TMEM63C: variants seen among roughly 807,000 people sequenced by gnomAD.
TMEM63C encodes the protein transmembrane protein 63C.
A neutral mutation model predicts 99.2 loss-of-function variants in TMEM63C; 32 were observed. That is an observed-to-expected ratio of 0.32 (90% CI 0.24 to 0.43). The LOEUF (loss-of-function observed/expected upper bound fraction) is 0.43. Ranked by LOEUF, TMEM63C falls within the 20% of genes least tolerant of loss-of-function variation. The pLI, the probability that TMEM63C is intolerant of heterozygous loss-of-function variation, is 1.00. For synonymous variants in TMEM63C, 376 were observed against 397.9 expected (o/e 0.94, Z 0.66); for missense variants, 826 against 1,053.0 (o/e 0.78, Z 2.98).
chr14:77,204,557 A>G (rs980850380), intron 1 of TMEM63C, among the ~76,000 whole-genome samples: 1 of 152,232 alleles, frequency 6.6e-6, no homozygotes, highest in Non-Finnish European at 1.5e-5. Flanking sequence ...AACCCTATCC[A>G]GCACAGCAGA....
At chr14:77,211,253 C>T (rs1406772689) in intron 1 of TMEM63C, among the ~76,000 whole-genome samples, 1 of 152,216 alleles carries the variant, frequency 6.6e-6, no homozygotes, top group African/African-American at 2.4e-5. Context: ...AATGGTCTGG[C>T]TTCAGGGCCA....
At chr14:77,241,393 G>C (rs542326612) in intron 13 of TMEM63C, among the ~76,000 whole-genome samples, 23 of 152,250 alleles carry the variant, frequency 1.5e-4, no homozygotes, top group Middle Eastern at 3.4e-3. Context: ...CAGCCCATGC[G>C]TTGACAAGGA....
intron 5 of TMEM63C, among the ~76,000 whole-genome samples, chr14:77,220,516 G>A (rs1888671698): frequency 6.6e-6 from 1 of 152,076 alleles, no homozygotes; most frequent in Non-Finnish European, 1.5e-5. Context: ...CCTGTTTAGT[G>A]GAGCGCAGTC....
intron 1 of TMEM63C, among the ~76,000 whole-genome samples, chr14:77,189,412 C>A (rs556682212): frequency 1.3e-5 from 2 of 152,244 alleles, no homozygotes; most frequent in East Asian, 3.9e-4. Flanking sequence ...GCTACTGTGC[C>A]TGGCTGAAAA....
chr14:77,183,281 C>T lies in TMEM63C; in HGVS notation c.-77+1387C>T, dbSNP rs373467330. On this transcript the variant is annotated intron_variant, in intron 1 of 23. Coordinates refer to ENST00000298351, the MANE Select transcript of TMEM63C (RefSeq NM_020431.4). Reference sequence around the variant, plus strand: ...GAGGGGCCTCTTCCTGTCTTCTCTTCGCACCCCACAGTCCCAGCGCTGAGA... The same window carrying T: ...GAGGGGCCTCTTCCTGTCTTCTCTTTGCACCCCACAGTCCCAGCGCTGAGA... Among the ~76,000 whole-genome samples the T allele has an allele frequency of 1.8e-3, 281 of 152,320 alleles. 1 individual carries two copies. Among genetic ancestry groups the T allele is most frequent in the African/African-American group, 5.3e-3 (222 of 41,562 alleles).
At chr14:77,243,813 CGCACACAT>C (rs1163965425) in intron 15 of TMEM63C, among the ~76,000 whole-genome samples, 1 of 152,024 alleles carries the variant, frequency 6.6e-6, no homozygotes, top group Non-Finnish European at 1.5e-5. Flanking sequence ...TGCACACACA[CGCACACAT>C]GCACAGTCAA....
intron 5 of TMEM63C, 45 bp downstream of exon 5, chr14:77,220,132 G>A: frequency 6.6e-7 from 1 of 1,521,628 alleles, no homozygotes. Flanking sequence ...CCAGCACTGG[G>A]CAGGCAGGCG....
intron 6 of TMEM63C, among the ~76,000 whole-genome samples, chr14:77,227,911 A>C (rs898212040): frequency 2.0e-5 from 3 of 152,192 alleles, no homozygotes; most frequent in African/African-American, 4.8e-5. Context: ...GGAGGAGGGA[A>C]AACAGGTCAG....
intron 1 of TMEM63C, among the ~76,000 whole-genome samples, 168 bp from the exon 2 acceptor site, chr14:77,213,273 TAAAAG>T (rs969545778): frequency 2.0e-4 from 30 of 152,150 alleles, no homozygotes; most frequent in African/African-American, 7.2e-4. Flanking sequence ...TCAAGACAAT[TAAAAG>T]AAAAGCAATA....
rs1889297020 is a variant in TMEM63C, at chr14:77,248,251, C to T, written c.1602-96C>T. On this transcript the variant is annotated intron_variant, in intron 18 of 23. Transcript: ENST00000298351. ...GTATCTGTATCTCCACTCCGATTCC[C>T]ATTCCCTCTGCTGCTCTCCTCTCTC... is the stretch of plus-strand genomic sequence containing the variant. The T allele has an allele frequency of 4.5e-6, 5 of 1,101,862 alleles. No individual in the cohort carries two copies. In the Admixed American group the frequency reaches 1.2e-4, roughly 25 times the overall value. 68.3% of individuals were successfully genotyped at this position (1,101,862 alleles called of 1,614,324 possible). A position where few individuals can be genotyped will look rare whatever the true frequency, so the allele number is the denominator to read the frequency against.
chr14:77,210,276 C>T (rs1319463620), intron 1 of TMEM63C, among the ~76,000 whole-genome samples: 1 of 152,132 alleles, frequency 6.6e-6, no homozygotes, highest in Admixed American at 6.5e-5. Flanking sequence ...GACCCCCTCC[C>T]AGGCTAAGGA....
At chr14:77,212,372 C>G (rs1044323036) in intron 1 of TMEM63C, 2 of 152,212 alleles carry the variant, frequency 1.3e-5, no homozygotes, top group Admixed American at 6.5e-5. Flanking sequence ...TCCCATTGCC[C>G]CAGACAGCCT....
chr14:77,248,853 C>A lies in TMEM63C; in HGVS notation c.1851C>A (p.Cys617Ter), dbSNP rs777200529. 3 of 1,613,934 alleles carry A rather than the reference C, an allele frequency of 1.9e-6. No homozygotes were observed. Among genetic ancestry groups the A allele is most frequent in the Non-Finnish European group, 2.5e-6 (3 of 1,179,794 alleles). The stretch of plus-strand genomic sequence containing the variant: ...TGGTGATGGCGTACAGCATCACTTG[C>A]CCCATCATTGTGCCTTTTGGTGAGT... ...FSVVMAYSITCPIIVPFGLLY... is the reference protein window; with the variant it reads ...FSVVMAYSIT The change falls in exon 20 of 24, where the codon TGC (cysteine) becomes TGA (stop). Residue 617 changes from cysteine (C) to a stop codon, truncating the protein, a stop_gained. Transcript: ENST00000298351. LOFTEE classifies it high-confidence loss of function.
intron 20 of TMEM63C, among the ~76,000 whole-genome samples, 196 bp downstream of exon 20, chr14:77,249,068 G>A (rs1398334108): frequency 2.6e-5 from 4 of 152,102 alleles, no homozygotes; most frequent in South Asian, 2.1e-4. Flanking sequence ...TTGAATGAAC[G>A]CATGAGAGAA....
chr14:77,219,349 G>A, intron 3 of TMEM63C, 149 bp from the exon 4 acceptor site: 1 of 725,662 alleles, frequency 1.4e-6, no homozygotes, highest in East Asian at 2.6e-5. Flanking sequence ...TGAAAGGAAT[G>A]GCCCCTACTC....
chr14:77,194,334 A>ATGTGTGTGTGTGTGTGTG (rs756163017), intron 1 of TMEM63C, among the ~76,000 whole-genome samples: 7 of 71,938 alleles, frequency 9.7e-5, no homozygotes, highest in Non-Finnish European at 2.2e-4. Context: ...AGATATATAT[A>ATGTGTGTGTGTGTGTGTG]TATGTGTGTG....
At chr14:77,198,894 T>C (rs539842745) in intron 1 of TMEM63C, among the ~76,000 whole-genome samples, 2 of 152,304 alleles carry the variant, frequency 1.3e-5, no homozygotes, top group African/African-American at 2.4e-5. Context: ...CGCAAGGTGG[T>C]ATTTTTCTCT....
intron 15 of TMEM63C, among the ~76,000 whole-genome samples, chr14:77,243,310 G>C (rs1241028827): frequency 2.6e-5 from 4 of 152,170 alleles, no homozygotes; most frequent in African/African-American, 9.7e-5. Flanking sequence ...GGCAGGTCCT[G>C]GGGTGAGTTG....
intron 6 of TMEM63C, among the ~76,000 whole-genome samples, chr14:77,227,071 G>T (rs1490992246): frequency 2.0e-5 from 3 of 152,188 alleles, no homozygotes; most frequent in Admixed American, 2.0e-4. Flanking sequence ...CTGGGCCTCA[G>T]CTGGGACCTT....
Sources: gnomAD v4.1 joint callset for allele counts (sites outside exome capture counted in the v4.1 genomes callset) on GRCh38, gnomAD v4.1.1 for gene constraint, MANE v1.5 for transcripts, NCBI Gene and HGNC (gene_info 2026-07-23, HGNC 2026-07-21) for gene names.